The following DNAH2 variants were observed in gnomAD, a reference collection of about 807,000 sequenced individuals.
DNAH2 encodes the protein dynein axonemal heavy chain 2.
A neutral mutation model predicts 523.5 loss-of-function variants in DNAH2; 323 were observed. The ratio of observed to expected loss-of-function variants is 0.62; its 90% CI spans 0.56 to 0.68. The LOEUF (loss-of-function observed/expected upper bound fraction) is 0.68. DNAH2 is among the 30% of genes least tolerant of loss of function. DNAH2 has a pLI of 0.00. For missense variants in DNAH2, 4,907 were observed against 5,701.5 expected (o/e 0.86, Z 4.49); for synonymous variants, 2,093 against 2,177.4 (o/e 0.96, Z 1.08).
intron 61 of DNAH2, among the ~76,000 whole-genome samples, chr17:7,806,431 G>T (rs1450571044): frequency 2.0e-5 from 3 of 152,124 alleles, no homozygotes; most frequent in East Asian, 3.9e-4. Context: ...GCTGAGGCAG[G>T]TGGATCACGA....
intron 63 of DNAH2, among the ~76,000 whole-genome samples, chr17:7,812,654 C>T (rs1282094913): frequency 6.6e-6 from 1 of 151,026 alleles, no homozygotes; most frequent in Non-Finnish European, 1.5e-5. Flanking sequence ...GGTGCGGTGG[C>T]TCACGCCTGG....
At chr17:7,735,222 C>G (rs917498578) in intron 7 of DNAH2, among the ~76,000 whole-genome samples, 1 of 152,092 alleles carries the variant, frequency 6.6e-6, no homozygotes, top group African/African-American at 2.4e-5. Flanking sequence ...CCTCTGCCTC[C>G]CAGGTTCAAG....
chr17:7,761,657 G>C (rs577094865), intron 18 of DNAH2, among the ~76,000 whole-genome samples: 1 of 152,122 alleles, frequency 6.6e-6, no homozygotes, highest in East Asian at 1.9e-4. Context: ...GCTAATTTTT[G>C]TATTTTTAGT....
intron 21 of DNAH2, 89 bp from the exon 22 acceptor site, chr17:7,766,229 T>G: frequency 4.3e-4 from 591 of 1,384,498 alleles, no homozygotes; most frequent in Non-Finnish European, 5.4e-4. Context: ...AGGAGAGAGG[T>G]GAGATTTGCC....
At position 7,740,999 on chromosome 17, in the gene DNAH2, G is replaced by A. The variant is rs1219272152; in HGVS notation, c.1689+7G>A. On this transcript the variant is annotated splice_region_variant and intron_variant, in intron 11 of 85. Coordinates refer to ENST00000572933, the MANE Select transcript of DNAH2 (RefSeq NM_020877.5). ...CATCGACAGAGTCATGACCGTAAGT[G>A]CCTGGCCTTCTCCATATTCTGTCGT... The A allele has an allele frequency of 6.3e-7, 1 of 1,591,562 alleles. No homozygotes were observed. The highest frequency in any genetic ancestry group is 8.6e-7 in the Non-Finnish European group (1 of 1,163,226).
At chr17:7,725,578 G>A (rs1435624045) in intron 3 of DNAH2, among the ~76,000 whole-genome samples, 1 of 150,648 alleles carries the variant, frequency 6.6e-6, no homozygotes, top group Non-Finnish European at 1.5e-5. Context: ...GATTACAGGT[G>A]CATGCCACCA....
At chr17:7,759,256 C>G in intron 15 of DNAH2, 132 bp downstream of exon 15, 3 of 1,458,444 alleles carry the variant, frequency 2.1e-6, no homozygotes, top group Non-Finnish European at 2.8e-6. Flanking sequence ...GTGCTCTAGT[C>G]TTGGACTCAG....
At chr17:7,805,496 G>A in intron 61 of DNAH2, 103 bp downstream of exon 61, 1 of 1,526,450 alleles carries the variant, frequency 6.6e-7, no homozygotes, top group Non-Finnish European at 8.9e-7. Context: ...ATGAGGCATT[G>A]TTCTTACCCT....
intron 21 of DNAH2, among the ~76,000 whole-genome samples, chr17:7,766,111 TC>T (rs2076159361): frequency 6.6e-6 from 1 of 152,122 alleles, no homozygotes; most frequent in Admixed American, 6.6e-5. Context: ...ACTTCCATAT[TC>T]CATCTGTTCC....
intron 12 of DNAH2, among the ~76,000 whole-genome samples, chr17:7,745,011 T>C (rs951867983): frequency 1.3e-5 from 2 of 151,972 alleles, no homozygotes; most frequent in Non-Finnish European, 2.9e-5. Context: ...TTTTTTTTTC[T>C]TGAGACAGAG....
intron 75 of DNAH2, 40 bp downstream of exon 75, chr17:7,824,022 C>T (rs1326657105): frequency 1.9e-6 from 3 of 1,598,710 alleles, no homozygotes; most frequent in Non-Finnish European, 2.6e-6. Flanking sequence ...GCCCATGGGT[C>T]TTTCCTGCCT....
At chr17:7,790,084 G>A (rs2076855680) in intron 44 of DNAH2, among the ~76,000 whole-genome samples, 1 of 152,170 alleles carries the variant, frequency 6.6e-6, no homozygotes, top group African/African-American at 2.4e-5. Context: ...GCTGTCTGTG[G>A]TCTCCAAGAG....
At chr17:7,721,376 G>T (rs916289493) in intron 2 of DNAH2, among the ~76,000 whole-genome samples, 1 of 152,058 alleles carries the variant, frequency 6.6e-6, no homozygotes, top group African/African-American at 2.4e-5. Flanking sequence ...GTTTCACCAT[G>T]TTGCCCAGGC....
chr17:7,743,292 CTTTTA>C (rs747849864), intron 12 of DNAH2, 150 bp downstream of exon 12: 68 of 914,946 alleles, frequency 7.4e-5, no homozygotes, highest in Non-Finnish European at 9.5e-5. Flanking sequence ...TTTTTTTCTT[CTTTTA>C]TTTTTGTCTC....
intron 39 of DNAH2, among the ~76,000 whole-genome samples, chr17:7,781,591 ACT>A (rs757786766): frequency 2.0e-5 from 3 of 152,150 alleles, no homozygotes; most frequent in Non-Finnish European, 4.4e-5. Context: ...ACTAGCTATG[ACT>A]CTGAACAAGT....
At position 7,734,500 on chromosome 17, in the gene DNAH2, A is replaced by C; in HGVS notation, c.770A>C (p.Lys257Thr). The C allele has an allele frequency of 6.2e-7, 1 of 1,613,918 alleles. No homozygotes were observed. Among genetic ancestry groups the C allele is most frequent in the Non-Finnish European group, 8.5e-7 (1 of 1,180,000 alleles). The change falls in exon 7 of 86, where the codon AAG (lysine) becomes ACG (threonine). Residue 257 changes from lysine to threonine, a missense_variant. Around this residue, in one of 3 missense-constraint regions of DNAH2, gnomAD observed 2,806 missense variants for 3,190.8 expected, o/e 0.88. Coordinates refer to ENST00000572933, the MANE Select transcript of DNAH2 (RefSeq NM_020877.5). Reference protein sequence around the residue: ...TSMIHWTRQIKEMLSAQETVE... With the variant: ...TSMIHWTRQITEMLSAQETVE... The stretch of plus-strand genomic sequence containing the variant: ...ATGATCCACTGGACCCGGCAGATAA[A>C]GGAGATGCTCAGTGCCCAGGAGACT...
intron 20 of DNAH2, among the ~76,000 whole-genome samples, chr17:7,764,790 T>TTC (rs1380729165): frequency 2.0e-5 from 3 of 148,592 alleles, no homozygotes; most frequent in African/African-American, 7.4e-5. Context: ...TACTTTTTTT[T>TTC]TTTTTTTTTT....
Position 7,821,164 on chromosome 17 carries a change from A to T in DNAH2, c.11016-79A>T. The stretch of plus-strand genomic sequence containing the variant: ...GGTCCTCTGTGTGAAGCTGTGTGAT[A>T]GTAGCATCATAGCATTCGCATGGAG... On this transcript the variant is annotated intron_variant, in intron 72 of 85. Coordinates refer to ENST00000572933, the MANE Select transcript of DNAH2 (RefSeq NM_020877.5). This position sits in a 1 kb window ranked among gnomAD's most constrained non-coding sequence, Gnocchi z 5.0. 1 of 1,546,074 alleles carries T rather than the reference A, an allele frequency of 6.5e-7. No homozygotes were observed. The highest frequency in any genetic ancestry group is 8.8e-7 in the Non-Finnish European group (1 of 1,140,472).
intron 31 of DNAH2, among the ~76,000 whole-genome samples, chr17:7,776,554 G>A (rs1475571019): frequency 6.6e-6 from 1 of 152,194 alleles, no homozygotes; most frequent in Admixed American, 6.5e-5. Context: ...ACAGAATCTT[G>A]AGTCTCACAC....
Sources: gnomAD v4.1 joint callset for allele counts (sites outside exome capture counted in the v4.1 genomes callset) on GRCh38, gnomAD v4.1.1 for gene constraint, gnomAD v4.1.1 regional missense constraint, Gnocchi (gnomAD v3.1) non-coding constraint, MANE v1.5 for transcripts, NCBI Gene and HGNC (gene_info 2026-07-23, HGNC 2026-07-21) for gene names.